Variants in ABHD12 observed in about 807,000 individuals in gnomAD.
ABHD12 encodes abhydrolase domain containing 12, lysophospholipase.
ABHD12 carries 43 observed loss-of-function variants against 58.3 expected under a neutral mutation model. That is an observed-to-expected ratio of 0.74 (90% CI 0.58 to 0.95). The LOEUF is 0.95. ABHD12 is among the 40% of genes least tolerant of loss of function. The probability of loss-of-function intolerance (pLI) is 0.00; values close to 1 mark genes in which losing one functional copy is unlikely to be tolerated. For synonymous variants in ABHD12, 219 were observed against 211.2 expected, an observed-to-expected ratio of 1.04 and a Z score of -0.32; for missense variants, 539 against 537.2, an observed-to-expected ratio of 1.00 and a Z score of -0.03.
chr20:25,350,440 TAGTA>T (rs2089583046), intron 1 of ABHD12, among the ~76,000 whole-genome samples: 1 of 152,162 alleles, frequency 6.6e-6, no homozygotes, highest in East Asian at 1.9e-4. Context: ...TTTCTCATGG[TAGTA>T]AGTCTCACAA....
At chr20:25,385,331 C>CAA (rs11477490) in intron 1 of ABHD12, among the ~76,000 whole-genome samples, 780 of 51,606 alleles carry the variant, frequency 0.015, 6 homozygotes, top group African/African-American at 0.041. Flanking sequence ...GAGTGAGACT[C>CAA]AAAAAAAAAA....
At chr20:25,363,856 A>T (rs1427135079) in intron 1 of ABHD12, among the ~76,000 whole-genome samples, 1 of 152,046 alleles carries the variant, frequency 6.6e-6, no homozygotes, top group Admixed American at 6.6e-5. Context: ...TAAGGGAGAA[A>T]CTCTGTCTCA....
intron 1 of ABHD12, among the ~76,000 whole-genome samples, chr20:25,360,881 C>A (rs1209762842): frequency 1.3e-5 from 2 of 152,226 alleles, no homozygotes; most frequent in East Asian, 3.8e-4. Flanking sequence ...GGGGCCACTG[C>A]CCCAATTCAT....
chr20:25,318,731 T>A (rs997861884), intron 4 of ABHD12, among the ~76,000 whole-genome samples: 1 of 151,992 alleles, frequency 6.6e-6, no homozygotes, highest in Admixed American at 6.6e-5. Flanking sequence ...CCAACCACAG[T>A]TCTGTCATTT....
chr20:25,386,127 A>C (rs2090087208), intron 1 of ABHD12, among the ~76,000 whole-genome samples: 1 of 146,530 alleles, frequency 6.8e-6, no homozygotes, highest in South Asian at 2.2e-4. Flanking sequence ...TAATAATAAA[A>C]ATAAAAGTTT....
At chr20:25,366,873 T>C (rs1249558202) in intron 1 of ABHD12, among the ~76,000 whole-genome samples, 1 of 152,208 alleles carries the variant, frequency 6.6e-6, no homozygotes, top group African/African-American at 2.4e-5. Context: ...TGGCCTGTTA[T>C]TCCTGAGCTG....
chr20:25,383,824 G>A (rs1422209235), intron 1 of ABHD12, among the ~76,000 whole-genome samples: 5 of 151,856 alleles, frequency 3.3e-5, no homozygotes, highest in South Asian at 2.1e-4. Flanking sequence ...GTATGGTGGC[G>A]TGCACCTGTA....
chr20:25,325,357 T>G (rs899202856), intron 2 of ABHD12, among the ~76,000 whole-genome samples: 1 of 152,176 alleles, frequency 6.6e-6, no homozygotes, highest in African/African-American at 2.4e-5. Context: ...TGTTATGGGC[T>G]GAGTTGTGCT....
chr20:25,352,681 T>G (rs569137851), intron 1 of ABHD12, among the ~76,000 whole-genome samples: 2 of 152,326 alleles, frequency 1.3e-5, no homozygotes, highest in East Asian at 1.9e-4. Flanking sequence ...ACAGTGTTCT[T>G]GAAAAGCGTA....
intron 4 of ABHD12, among the ~76,000 whole-genome samples, chr20:25,319,213 T>G (rs950875184): frequency 6.6e-6 from 1 of 152,200 alleles, no homozygotes; most frequent in Admixed American, 6.5e-5. Context: ...GCACCCACCC[T>G]GGGTTCTCCC....
intron 2 of ABHD12, among the ~76,000 whole-genome samples, chr20:25,333,908 T>A (rs1040345928): frequency 2.6e-5 from 4 of 152,230 alleles, no homozygotes; most frequent in African/African-American, 7.2e-5. Flanking sequence ...AAGACAGGGA[T>A]GCCCTCTCTC....
chr20:25,387,662 C>A (rs1361516267), intron 1 of ABHD12, among the ~76,000 whole-genome samples: 1 of 150,652 alleles, frequency 6.6e-6, no homozygotes, highest in Non-Finnish European at 1.5e-5. Context: ...ATCGCCTGAG[C>A]CCAGGAGGTC....
At chr20:25,388,744 G>A (rs543315512) in intron 1 of ABHD12, among the ~76,000 whole-genome samples, 2 of 151,196 alleles carry the variant, frequency 1.3e-5, no homozygotes, top group African/African-American at 2.4e-5. Context: ...GTGCCAGGTC[G>A]CCGCTGTTTC....
intron 2 of ABHD12, among the ~76,000 whole-genome samples, chr20:25,333,856 G>C (rs2089318662): frequency 1.3e-5 from 2 of 152,098 alleles, no homozygotes; most frequent in African/African-American, 4.8e-5. Context: ...ATATCATACT[G>C]AATGGGCAAA....
chr20:25,390,477 G>GGCCCCCCCCCCCC, intron 1 of ABHD12, 36 bp downstream of exon 1: 1 of 98,518 alleles, frequency 1.0e-5, no homozygotes, highest in Non-Finnish European at 1.3e-5. Context: ...TGAGGGACCG[G>GGCCCCCCCCCCCC]CCCCCCCCCC....
chr20:25,316,078 C>A (rs1258517687), intron 5 of ABHD12, among the ~76,000 whole-genome samples: 1 of 152,108 alleles, frequency 6.6e-6, no homozygotes, highest in African/African-American at 2.4e-5. Context: ...GAAGCTGATT[C>A]AAGTCCCACC....
intron 11 of ABHD12, among the ~76,000 whole-genome samples, chr20:25,303,087 A>C (rs781590132): frequency 6.6e-6 from 1 of 152,200 alleles, no homozygotes; most frequent in Non-Finnish European, 1.5e-5. Context: ...CGCAATTCCA[A>C]AGGCAAGGAA....
chr20:25,356,896 G>C (rs1421438297), intron 1 of ABHD12, among the ~76,000 whole-genome samples: 1 of 151,940 alleles, frequency 6.6e-6, no homozygotes, highest in East Asian at 1.9e-4. Context: ...AGCACGTTGG[G>C]AGGCCAAAGT....
chr20:25,338,966 A>G lies in ABHD12; in HGVS notation c.316+261T>C, dbSNP rs1405639417. 6 of 1,245,954 alleles carry G rather than the reference A, an allele frequency of 4.8e-6. No individual in the cohort carries two copies. The Admixed American group carries it at 2.1e-4, about 43-fold the overall frequency. 77.2% of individuals were successfully genotyped at this position (1,245,954 alleles called of 1,614,324 possible). ...AAATCCAGTGCTGGGGAGCAACACT[A>G]GCACAGAAAGTCCTCCAGCTGGGAA... On this transcript the variant is annotated intron_variant, in intron 2 of 12. Transcript: ENST00000339157.
Sources: gnomAD v4.1 joint callset for allele counts (sites outside exome capture counted in the v4.1 genomes callset) on GRCh38, gnomAD v4.1.1 for gene constraint, MANE v1.5 for transcripts, NCBI Gene and HGNC (gene_info 2026-07-23, HGNC 2026-07-21) for gene names.